The following AKAP19 variants were observed in gnomAD, a reference collection of about 807,000 sequenced individuals.
The protein encoded by AKAP19 is small A-kinase anchoring protein.
At chr2:190,155,150 T>C in the AKAP19 span, among the ~76,000 whole-genome samples, 1 of 152,080 alleles carries the variant, frequency 6.6e-6, no homozygotes, top group African/African-American at 2.4e-5. Context: ...CTTCCCCTCT[T>C]TTGCCCCAAT....
the AKAP19 span, among the ~76,000 whole-genome samples, chr2:189,914,818 A>G: frequency 6.6e-6 from 1 of 152,074 alleles, no homozygotes; most frequent in African/African-American, 2.4e-5. Context: ...TAGATGAGAA[A>G]ATTGAAGCTT....
the AKAP19 span, among the ~76,000 whole-genome samples, chr2:190,172,047 C>T: frequency 6.6e-6 from 1 of 152,188 alleles, no homozygotes; most frequent in Non-Finnish European, 1.5e-5. Context: ...TTGGCACCAG[C>T]AGGTTGAACA....
the AKAP19 span, among the ~76,000 whole-genome samples, chr2:189,906,384 G>C: frequency 6.6e-6 from 1 of 152,136 alleles, no homozygotes; most frequent in East Asian, 1.9e-4. Flanking sequence ...CCTGGAAATA[G>C]TATTTTTAGA....
the AKAP19 span, among the ~76,000 whole-genome samples, chr2:190,121,229 CA>C: frequency 1.3e-5 from 2 of 151,750 alleles, no homozygotes; most frequent in Non-Finnish European, 2.9e-5. Context: ...CCTCCCACCC[CA>C]GCCTCCCAAG....
At chr2:189,954,257 A>C in the AKAP19 span, among the ~76,000 whole-genome samples, 4 of 152,240 alleles carry the variant, frequency 2.6e-5, no homozygotes, top group African/African-American at 9.6e-5. Flanking sequence ...TAATGCATCC[A>C]CATCCTTACA....
chr2:190,049,908 T>C, the AKAP19 span, among the ~76,000 whole-genome samples: 3 of 152,246 alleles, frequency 2.0e-5, no homozygotes, highest in African/African-American at 7.2e-5. Flanking sequence ...TTTTCCTGTA[T>C]TTAGAATGTA....
At chr2:190,112,636 A>T in the AKAP19 span, among the ~76,000 whole-genome samples, 4 of 152,116 alleles carry the variant, frequency 2.6e-5, no homozygotes, top group Admixed American at 2.6e-4. Flanking sequence ...CTTCTTCTAC[A>T]TCTGTTGAGT....
chr2:190,118,765 T>C, the AKAP19 span, among the ~76,000 whole-genome samples: 5 of 152,228 alleles, frequency 3.3e-5, no homozygotes, highest in African/African-American at 1.2e-4. Context: ...AATATCATAC[T>C]GAATGGGCAA....
the AKAP19 span, among the ~76,000 whole-genome samples, chr2:190,115,480 C>T: frequency 3.7e-3 from 530 of 141,648 alleles, 5 homozygotes; most frequent in Middle Eastern, 3.5e-3. Flanking sequence ...CCACTACGCC[C>T]GGCTAATTTT....
At chr2:189,933,548 G>A in the AKAP19 span, among the ~76,000 whole-genome samples, 1 of 151,944 alleles carries the variant, frequency 6.6e-6, no homozygotes, top group Admixed American at 6.6e-5. Context: ...GTCTTCTGTG[G>A]AAAAATATGT....
the AKAP19 span, among the ~76,000 whole-genome samples, chr2:190,011,438 T>C: frequency 6.6e-6 from 1 of 152,208 alleles, no homozygotes; most frequent in Non-Finnish European, 1.5e-5. Flanking sequence ...TTACATGATG[T>C]AATTTTTTCT....
chr2:190,142,967 C>T, the AKAP19 span, among the ~76,000 whole-genome samples: 7 of 152,086 alleles, frequency 4.6e-5, no homozygotes, highest in East Asian at 1.2e-3. Flanking sequence ...TTCCTGGAAA[C>T]AGGTGCAGAT....
the AKAP19 span, among the ~76,000 whole-genome samples, chr2:190,078,957 A>G: frequency 4.6e-3 from 697 of 152,166 alleles, 6 homozygotes; most frequent in African/African-American, 0.016. Context: ...AATATCAAAT[A>G]CAAGTAGAAA....
the AKAP19 span, among the ~76,000 whole-genome samples, chr2:189,966,122 G>T: frequency 6.6e-6 from 1 of 151,904 alleles, no homozygotes; most frequent in Non-Finnish European, 1.5e-5. Context: ...TTACTCATAC[G>T]TGGGAGCCGA....
chr2:190,193,039 TCAAA>T, the AKAP19 span, among the ~76,000 whole-genome samples: 1 of 152,128 alleles, frequency 6.6e-6, no homozygotes, highest in Non-Finnish European at 1.5e-5. Flanking sequence ...CGGTAAAATA[TCAAA>T]CAGAAATCAT....
At chr2:190,197,134 C>G in the AKAP19 span, among the ~76,000 whole-genome samples, 1 of 152,144 alleles carries the variant, frequency 6.6e-6, no homozygotes, top group Non-Finnish European at 1.5e-5. This position sits in a 1 kb window ranked among gnomAD's most constrained non-coding sequence, Gnocchi z 4.0. Flanking sequence ...GGCCCCACCT[C>G]CAAATACCAT....
At chr2:189,897,654 A>G in the AKAP19 span, among the ~76,000 whole-genome samples, 4 of 152,200 alleles carry the variant, frequency 2.6e-5, no homozygotes, top group African/African-American at 4.8e-5. Context: ...TCAATGGCAT[A>G]AAATATCTTT....
the AKAP19 span, among the ~76,000 whole-genome samples, chr2:189,926,086 G>A: frequency 1.9e-4 from 29 of 152,092 alleles, no homozygotes; most frequent in African/African-American, 7.0e-4. Flanking sequence ...TAAGTTTTCT[G>A]TTCAACTTTT....
chr2:189,930,807 A>G, the AKAP19 span: 1 of 813,516 alleles, frequency 1.2e-6, no homozygotes, highest in Non-Finnish European at 2.2e-6. Flanking sequence ...GATGTTGTAT[A>G]AGGCCTATTC....
Sources: gnomAD v4.1 joint callset for allele counts (sites outside exome capture counted in the v4.1 genomes callset) on GRCh38, gnomAD v4.1.1 for gene constraint, Gnocchi (gnomAD v3.1) non-coding constraint, MANE v1.5 for transcripts, NCBI Gene and HGNC (gene_info 2026-07-23, HGNC 2026-07-21) for gene names.